ZFPM2: variants seen among roughly 807,000 people sequenced by gnomAD.
ZFPM2 encodes zinc finger protein, FOG family member 2, also known as zinc finger protein ZFPM2.
In ZFPM2, 20 loss-of-function variants were observed where a neutral mutation model predicts 98.6. The observed-to-expected ratio is 0.20, with a 90% CI of 0.14 to 0.29. The LOEUF (loss-of-function observed/expected upper bound fraction) is 0.29. ZFPM2 is among the 10% of genes least tolerant of loss of function. The probability of loss-of-function intolerance (pLI) is 1.00; values close to 1 mark genes in which losing one functional copy is unlikely to be tolerated. For synonymous variants in ZFPM2, 518 were observed against 502.7 expected, an observed-to-expected ratio of 1.03 and a Z score of -0.41; for missense variants, 1,310 against 1,388.6, an observed-to-expected ratio of 0.94 and a Z score of 0.90.
chr8:105,590,858 T>C (rs1187704521), intron 4 of ZFPM2, among the ~76,000 whole-genome samples: 2 of 152,204 alleles, frequency 1.3e-5, no homozygotes, highest in African/African-American at 2.4e-5. Context: ...TGGTCCACTT[T>C]AGGAATAAGC....
At chr8:105,580,966 A>G (rs1160892922) in intron 4 of ZFPM2, among the ~76,000 whole-genome samples, 1 of 151,858 alleles carries the variant, frequency 6.6e-6, no homozygotes, top group Non-Finnish European at 1.5e-5. Context: ...TGTTATCTCT[A>G]TTTTATAAAA....
At chr8:105,510,012 GAT>G (rs10651009) in intron 3 of ZFPM2, among the ~76,000 whole-genome samples, 4 of 151,682 alleles carry the variant, frequency 2.6e-5, no homozygotes, top group Non-Finnish European at 4.4e-5. Flanking sequence ...CTACACATCA[GAT>G]ATATATATAT....
chr8:105,640,866 T>G (rs1241350356), intron 5 of ZFPM2, among the ~76,000 whole-genome samples: 1 of 152,024 alleles, frequency 6.6e-6, no homozygotes, highest in African/African-American at 2.4e-5. Context: ...AAAATTTGCG[T>G]TCATATTTTA....
intron 5 of ZFPM2, among the ~76,000 whole-genome samples, chr8:105,664,084 A>G (rs1817443902): frequency 6.6e-6 from 1 of 152,234 alleles, no homozygotes. Context: ...AATTGTGGAT[A>G]TTCCTTTATG....
chr8:105,626,972 A>G (rs772054680), intron 4 of ZFPM2, among the ~76,000 whole-genome samples: 3 of 152,284 alleles, frequency 2.0e-5, no homozygotes, highest in Non-Finnish European at 4.4e-5. Flanking sequence ...AGCTCATCTC[A>G]TGGGAAGATT....
intron 5 of ZFPM2, among the ~76,000 whole-genome samples, chr8:105,661,838 T>C (rs1415824131): frequency 6.6e-6 from 1 of 152,202 alleles, no homozygotes; most frequent in Non-Finnish European, 1.5e-5. Context: ...TGTACTGTAA[T>C]GCAGTATTCA....
intron 3 of ZFPM2, among the ~76,000 whole-genome samples, chr8:105,482,487 ATTT>A (rs1000499102): frequency 6.6e-6 from 1 of 152,136 alleles, no homozygotes; most frequent in African/African-American, 2.4e-5. Context: ...TATGGTATAC[ATTT>A]TTTAATTCTT....
At chr8:105,685,141 G>A (rs544025201) in intron 5 of ZFPM2, among the ~76,000 whole-genome samples, 2 of 151,956 alleles carry the variant, frequency 1.3e-5, no homozygotes, top group Non-Finnish European at 2.9e-5. Flanking sequence ...TCTGTGACAC[G>A]GGAAATGTTC....
chr8:105,675,455 A>G (rs547962799), intron 5 of ZFPM2, among the ~76,000 whole-genome samples: 1 of 152,310 alleles, frequency 6.6e-6, no homozygotes, highest in South Asian at 2.1e-4. Flanking sequence ...CTCCTGAGCA[A>G]AGAAGAGTTA....
chr8:105,767,915 T>C (rs1242993271), intron 5 of ZFPM2, among the ~76,000 whole-genome samples: 1 of 151,926 alleles, frequency 6.6e-6, no homozygotes, highest in African/African-American at 2.4e-5. Flanking sequence ...TACACAGAAC[T>C]GGGACAGGGA....
At chr8:105,697,539 G>C (rs1234869024) in intron 5 of ZFPM2, among the ~76,000 whole-genome samples, 1 of 152,158 alleles carries the variant, frequency 6.6e-6, no homozygotes, top group African/African-American at 2.4e-5. Flanking sequence ...CCAGGCCAGA[G>C]AAAGGCCTAT....
intron 3 of ZFPM2, among the ~76,000 whole-genome samples, chr8:105,501,684 A>G (rs1586419841): frequency 6.7e-6 from 1 of 150,090 alleles, no homozygotes; most frequent in Non-Finnish European, 1.5e-5. Flanking sequence ...TTGCAGTTTC[A>G]CCATCTTGGC....
intron 3 of ZFPM2, among the ~76,000 whole-genome samples, chr8:105,501,097 C>T (rs1813584347): frequency 6.6e-6 from 1 of 152,010 alleles, no homozygotes; most frequent in African/African-American, 2.4e-5. Flanking sequence ...GTGCCCAACC[C>T]TTAGAGTTTT....
At position 105,378,571 on chromosome 8, in the gene ZFPM2, C is replaced by T. The variant is rs182842179; in HGVS notation, c.41-40573C>T. Among the ~76,000 whole-genome samples the T allele has an allele frequency of 2.4e-3, 361 of 152,128 alleles. 4 individuals carry two copies. The highest frequency in any genetic ancestry group is 2.5e-4 in the Non-Finnish European group (17 of 68,002). On this transcript the variant is annotated intron_variant, in intron 1 of 7. Coordinates refer to ENST00000407775, the MANE Select transcript of ZFPM2 (RefSeq NM_012082.4). The stretch of plus-strand genomic sequence containing the variant: ...TTTCTACAAATAGTTGGAGGACGCT[C>T]GGTAAATATTTATTTTGTGACCGAA...
intron 5 of ZFPM2, among the ~76,000 whole-genome samples, chr8:105,754,886 A>T (rs946846065): frequency 6.6e-6 from 1 of 152,058 alleles, no homozygotes; most frequent in African/African-American, 2.4e-5. Flanking sequence ...AGTCTGCCAT[A>T]GATATGACCT....
At chr8:105,380,705 A>T (rs7015339) in intron 1 of ZFPM2, among the ~76,000 whole-genome samples, 7,935 of 15,722 alleles carry the variant, frequency 0.5, 2,240 homozygotes, top group East Asian at 0.68. Flanking sequence ...AACATATATA[A>T]TATATATATA....
At chr8:105,789,174 C>T (rs538767574) in intron 6 of ZFPM2, 20 of 301,882 alleles carry the variant, frequency 6.6e-5, no homozygotes, top group East Asian at 3.4e-4. Flanking sequence ...CATGCTGGTG[C>T]GCGGCACCCA....
chr8:105,798,559 G>A (rs1813901581), intron 6 of ZFPM2, 165 bp from the exon 7 acceptor site: 1 of 581,686 alleles, frequency 1.7e-6, no homozygotes, highest in East Asian at 2.8e-5. Flanking sequence ...TTCTTTAAAA[G>A]TCGAGTCCTA....
intron 3 of ZFPM2, among the ~76,000 whole-genome samples, chr8:105,472,620 A>G (rs952064591): frequency 1.3e-5 from 2 of 152,000 alleles, no homozygotes; most frequent in African/African-American, 4.8e-5. Flanking sequence ...CTCCTGCCTC[A>G]GCCTCCCGAG....
Sources: gnomAD v4.1 joint callset for allele counts (sites outside exome capture counted in the v4.1 genomes callset) on GRCh38, gnomAD v4.1.1 for gene constraint, MANE v1.5 for transcripts, NCBI Gene and HGNC (gene_info 2026-07-23, HGNC 2026-07-21) for gene names.